Variants in ZDHHC6 observed in about 807,000 individuals in gnomAD.
ZDHHC6 encodes zDHHC palmitoyltransferase 6.
In ZDHHC6, 32 loss-of-function variants were observed where a neutral mutation model predicts 57.8. The ratio of observed to expected loss-of-function variants is 0.55; its 90% CI spans 0.42 to 0.74. The LOEUF (loss-of-function observed/expected upper bound fraction) is 0.74. Among genes scored for constraint, ZDHHC6 ranks in the 30% least tolerant of loss-of-function variants. The probability of loss-of-function intolerance (pLI) is 0.00; values close to 1 mark genes in which losing one functional copy is unlikely to be tolerated. For missense variants in ZDHHC6, 433 were observed against 500.7 expected, an observed-to-expected ratio of 0.86 and a Z score of 1.29; for synonymous variants, 128 against 158.0, an observed-to-expected ratio of 0.81 and a Z score of 1.42.
At chr10:112,426,269 AG>A (rs1443973892), downstream of ZDHHC6, 2 of 1,613,826 alleles carry the variant, frequency 1.2e-6, no homozygotes, top group African/African-American at 2.7e-5. Flanking sequence ...CATCCTTAGT[AG>A]GAGTGGTGGT....
At chr10:112,429,480 G>T (rs761897032), downstream of ZDHHC6, among the ~76,000 whole-genome samples, 1 of 152,106 alleles carries the variant, frequency 6.6e-6, no homozygotes, top group Non-Finnish European at 1.5e-5. Flanking sequence ...TATTTTACCT[G>T]TCTGTTCACT....
At chr10:112,438,130 G>A (rs992139507) in intron 6 of ZDHHC6, among the ~76,000 whole-genome samples, 2 of 152,210 alleles carry the variant, frequency 1.3e-5, no homozygotes, top group African/African-American at 4.8e-5. Flanking sequence ...TTCTGTGGGA[G>A]TTACAGAATG....
intron 6 of ZDHHC6, 112 bp downstream of exon 6, chr10:112,438,224 A>T (rs3736059): frequency 0.58 from 428,603 of 742,280 alleles, 125,906 homozygotes; most frequent in Non-Finnish European, 0.6. Context: ...TTTCACTTTT[A>T]GGCACTTTTC....
At chr10:112,432,093 G>A (rs1228613384) in intron 10 of ZDHHC6, 147 bp downstream of exon 10, 2 of 700,656 alleles carry the variant, frequency 2.9e-6, no homozygotes, top group East Asian at 2.8e-5. Flanking sequence ...AATATATAAG[G>A]AAGTTCCTTT....
At position 112,440,441 on chromosome 10, in the gene ZDHHC6, AT is replaced by A. The variant is rs1845992156; in HGVS notation, c.681+92del. ...AATAAGCAAAAATAATTTCCATTTCATACTGGACACTTAAATACAGGCTTTG... is the reference window on the plus strand; with the variant it reads ...AATAAGCAAAAATAATTTCCATTTCAACTGGACACTTAAATACAGGCTTTG... On this transcript the variant is annotated intron_variant, in intron 5 of 10. Coordinates refer to ENST00000369405, the MANE Select transcript of ZDHHC6 (RefSeq NM_022494.3). The A allele has an allele frequency of 2.3e-5, 31 of 1,328,360 alleles. 1 individual carries two copies. The South Asian group carries it at 5.7e-4, about 25-fold the overall frequency. 82.3% of individuals were successfully genotyped at this position (1,328,360 alleles called of 1,614,324 possible).
At chr10:112,441,783 C>T (rs1846137284) in intron 4 of ZDHHC6, among the ~76,000 whole-genome samples, 1 of 152,204 alleles carries the variant, frequency 6.6e-6, no homozygotes, top group Non-Finnish European at 1.5e-5. Flanking sequence ...TTATGGTATG[C>T]ATCTGCTCCA....
chr10:112,445,757 C>T lies in ZDHHC6; in HGVS notation c.-214-107G>A, dbSNP rs1846599115. The T allele has an allele frequency of 2.5e-5, 11 of 444,326 alleles. No individual in the cohort carries two copies. The East Asian group carries it at 3.5e-4, about 14-fold the overall frequency. The allele number at this position is 444,326 out of a possible 1,614,324, so 27.5% of individuals were successfully genotyped here. A position where few individuals can be genotyped will look rare whatever the true frequency, so the allele number is the denominator to read the frequency against. ...TAAACACCTACACAACAGCATCTCACAAGTGCACTACACTTTGGGATGCAT... is the reference window on the plus strand; with the variant it reads ...TAAACACCTACACAACAGCATCTCATAAGTGCACTACACTTTGGGATGCAT... On this transcript the variant is annotated intron_variant, in intron 1 of 10. Transcript: ENST00000369405.
intron 3 of ZDHHC6, among the ~76,000 whole-genome samples, 169 bp downstream of exon 3, chr10:112,443,346 G>C (rs1846319602): frequency 1.3e-5 from 2 of 152,112 alleles, no homozygotes; most frequent in African/African-American, 4.8e-5. Context: ...TTATTATCTA[G>C]ATAATTTAAG....
chr10:112,441,216 T>A (rs892823211), intron 4 of ZDHHC6, among the ~76,000 whole-genome samples: 2 of 152,200 alleles, frequency 1.3e-5, no homozygotes, highest in African/African-American at 2.4e-5. Context: ...TTCTCAAATG[T>A]TACTTTTTGT....
downstream of ZDHHC6, chr10:112,428,118 A>G (rs143421135): frequency 3.1e-3 from 829 of 271,792 alleles, 1 homozygote; most frequent in Admixed American, 5.9e-3. Context: ...CTGAGCTGGA[A>G]GCTGTGGGGG....
rs150811446 is a variant in ZDHHC6 at position 112,432,762 on chromosome 10, GC to G, written c.946-242del. Among the ~76,000 whole-genome samples, 1,113 of 152,324 alleles carry G rather than the reference GC, an allele frequency of 7.3e-3. 13 individuals carry two copies. The highest frequency in any genetic ancestry group is 0.025 in the African/African-American group (1,049 of 41,576). ...CCCATAGCTAAGAATTAGAGTTAGA[GC>G]AGGGCTAAGAACATTCTGCCATGAT... On this transcript the variant is annotated intron_variant, in intron 8 of 10. Transcript: ENST00000369405.
downstream of ZDHHC6, chr10:112,426,254 A>G (rs1311800883): frequency 1.9e-6 from 3 of 1,612,990 alleles, no homozygotes; most frequent in African/African-American, 1.3e-5. Context: ...TTTCCTTTCC[A>G]TAGTCATCCT....
intron 3 of ZDHHC6, 148 bp downstream of exon 3, chr10:112,443,367 C>T (rs1257601429): frequency 9.2e-6 from 5 of 542,470 alleles, no homozygotes; most frequent in East Asian, 3.5e-5. Flanking sequence ...TATAAAATGG[C>T]GATTATGGAC....
chr10:112,432,313 A>T (rs973811942), intron 9 of ZDHHC6, 27 bp from the exon 10 acceptor site: 12 of 1,606,812 alleles, frequency 7.5e-6, no homozygotes, highest in Non-Finnish European at 1.0e-5. Flanking sequence ...ATGAAAATTA[A>T]TTTTTTAGGC....
At chr10:112,444,128 T>G (rs1440830605) in intron 2 of ZDHHC6, among the ~76,000 whole-genome samples, 2 of 152,346 alleles carry the variant, frequency 1.3e-5, no homozygotes, top group East Asian at 3.9e-4. Flanking sequence ...AGACTCTGCC[T>G]GAAAACCCCT....
At chr10:112,447,104 G>A (rs574469129), upstream of ZDHHC6, 1 of 481,900 alleles carries the variant, frequency 2.1e-6, no homozygotes. Flanking sequence ...CGCTTTTCTG[G>A]GGGGAGGCAC....
chr10:112,447,411 C>T (rs919714965), upstream of ZDHHC6: 5 of 1,613,550 alleles, frequency 3.1e-6, no homozygotes, highest in African/African-American at 5.3e-5. Flanking sequence ...CAGGACTTCG[C>T]GGTGCTCACT....
intron 4 of ZDHHC6, among the ~76,000 whole-genome samples, chr10:112,441,578 C>T (rs1299356469): frequency 6.6e-6 from 1 of 152,114 alleles, no homozygotes; most frequent in Non-Finnish European, 1.5e-5. Flanking sequence ...AATTTCCAAA[C>T]ACCACAAGCT....
downstream of ZDHHC6, chr10:112,425,664 A>G: frequency 1.9e-6 from 1 of 528,642 alleles, no homozygotes; most frequent in South Asian, 3.9e-5. Context: ...AAAAAATTTC[A>G]AAACTATGAT....
Sources: allele counts gnomAD v4.1 joint callset (sites outside exome capture counted in the v4.1 genomes callset), GRCh38; gene constraint gnomAD v4.1.1; transcripts MANE v1.5; gene names NCBI Gene and HGNC (gene_info 2026-07-23, HGNC 2026-07-21).